CLVS1: variants seen among roughly 807,000 people sequenced by gnomAD.
CLVS1 encodes the protein clavesin-1.
A neutral mutation model predicts 33.1 loss-of-function variants in CLVS1; 10 were observed. The observed-to-expected ratio is 0.30, with a 90% CI of 0.19 to 0.51. The LOEUF (loss-of-function observed/expected upper bound fraction) is 0.51. CLVS1 is among the 20% of genes least tolerant of loss of function. The pLI is 0.97. For synonymous variants in CLVS1, 163 were observed against 166.1 expected (o/e 0.98, Z 0.14); for missense variants, 343 against 433.4 (o/e 0.79, Z 1.85).
intron 3 of CLVS1, among the ~76,000 whole-genome samples, chr8:61,388,804 G>GA (rs1247792223): frequency 6.6e-6 from 1 of 151,964 alleles, no homozygotes; most frequent in East Asian, 1.9e-4. Context: ...CTAGCTATTT[G>GA]AAAATATATA....
rs570015997 is a variant in CLVS1 at position 61,250,301 on chromosome 8, T to C, written c.-151-49376T>C. Among the ~76,000 whole-genome samples the C allele has an allele frequency of 1.9e-4, 29 of 152,332 alleles. 1 individual carries two copies. Among genetic ancestry groups the C allele is most frequent in the Non-Finnish European group, 2.4e-4 (16 of 68,018 alleles). ...TATCTCTATTTTGGTATCAGTACCA[T>C]GCTGTTTTGGTTACTGTTGCCTTGT... On this transcript the variant is annotated intron_variant, in intron 2 of 2. Coordinates refer to the CLVS1 transcript ENST00000522621.
intron 2 of CLVS1, among the ~76,000 whole-genome samples, chr8:61,197,615 G>A (rs1807643328): frequency 6.6e-6 from 1 of 152,100 alleles, no homozygotes; most frequent in Non-Finnish European, 1.5e-5. Context: ...CACCTCCTGG[G>A]TTCAAGCGAT....
chr8:61,060,809 G>T (rs1380420408), intron 1 of CLVS1, among the ~76,000 whole-genome samples: 3 of 152,138 alleles, frequency 2.0e-5, no homozygotes, highest in Admixed American at 2.0e-4. Context: ...ACGTGCCCGA[G>T]GCCACAGAGC....
At chr8:61,259,092 T>A (rs1251554167) in intron 2 of CLVS1, among the ~76,000 whole-genome samples, 2 of 152,230 alleles carry the variant, frequency 1.3e-5, no homozygotes, top group Non-Finnish European at 2.9e-5. Context: ...GTGTTAAAAA[T>A]CACCTACAAA....
At chr8:61,411,780 A>G (rs73682298) in intron 3 of CLVS1, among the ~76,000 whole-genome samples, 3,065 of 152,230 alleles carry the variant, frequency 0.02, 102 homozygotes, top group African/African-American at 0.069. Flanking sequence ...TCCCTAGTTC[A>G]GGGCTGTCAT....
intron 3 of CLVS1, among the ~76,000 whole-genome samples, chr8:61,416,288 AGC>A (rs2129604338): frequency 7.1e-6 from 1 of 141,528 alleles, no homozygotes; most frequent in African/African-American, 3.0e-5. Flanking sequence ...CAAGATAGCT[AGC>A]TAGCTAGCTA....
At chr8:61,383,990 A>C (rs942951462) in intron 3 of CLVS1, among the ~76,000 whole-genome samples, 2 of 152,236 alleles carry the variant, frequency 1.3e-5, no homozygotes, top group African/African-American at 4.8e-5. Context: ...ACATGTACCA[A>C]GCTAATAAAA....
chr8:61,071,627 C>T (rs1343876131), intron 1 of CLVS1, among the ~76,000 whole-genome samples: 2 of 152,196 alleles, frequency 1.3e-5, no homozygotes, highest in African/African-American at 4.8e-5. Context: ...TGCAGATGAG[C>T]ATATGGATAC....
At chr8:61,320,734 G>T (rs1180689710) in intron 2 of CLVS1, among the ~76,000 whole-genome samples, 1 of 152,134 alleles carries the variant, frequency 6.6e-6, no homozygotes, top group African/African-American at 2.4e-5. Flanking sequence ...TTTTATAAGG[G>T]CACTGATTGC....
At chr8:61,329,975 C>G (rs1811533161) in intron 2 of CLVS1, among the ~76,000 whole-genome samples, 1 of 152,128 alleles carries the variant, frequency 6.6e-6, no homozygotes, top group African/African-American at 2.4e-5. Flanking sequence ...TAGCTTTCCC[C>G]TAGCCTCAGC....
upstream of CLVS1, among the ~76,000 whole-genome samples, chr8:61,285,732 G>A (rs532764442): frequency 6.6e-6 from 1 of 152,188 alleles, no homozygotes; most frequent in Non-Finnish European, 1.5e-5. Flanking sequence ...CTATCCACGT[G>A]AGGGTGCACT....
At chr8:61,461,168 A>T (rs1817352100) in intron 5 of CLVS1, among the ~76,000 whole-genome samples, 1 of 152,224 alleles carries the variant, frequency 6.6e-6, no homozygotes, top group African/African-American at 2.4e-5. Context: ...ATGATGTAAA[A>T]TTGACATGAA....
intron 2 of CLVS1, among the ~76,000 whole-genome samples, chr8:61,191,220 C>T (rs929492915): frequency 6.6e-6 from 1 of 152,182 alleles, no homozygotes; most frequent in African/African-American, 2.4e-5. Context: ...GCTGGTTCAA[C>T]ATATGCAAAT....
At chr8:61,476,567 TG>T (rs1275642973) in intron 5 of CLVS1, among the ~76,000 whole-genome samples, 3 of 152,224 alleles carry the variant, frequency 2.0e-5, no homozygotes, top group African/African-American at 7.2e-5. Flanking sequence ...CAATTGTGAA[TG>T]GGAGTTCACT....
At chr8:61,322,205 G>C (rs1369035451) in intron 2 of CLVS1, among the ~76,000 whole-genome samples, 1 of 152,140 alleles carries the variant, frequency 6.6e-6, no homozygotes, top group Non-Finnish European at 1.5e-5. Flanking sequence ...TAAATATCCA[G>C]GGATTTATTT....
chr8:61,446,559 A>G (rs1314910616), intron 3 of CLVS1, among the ~76,000 whole-genome samples: 1 of 152,126 alleles, frequency 6.6e-6, no homozygotes, highest in Admixed American at 6.6e-5. Context: ...TGAGCATGGT[A>G]GTTCAAATCT....
At chr8:61,088,014 T>G (rs185613515) in intron 1 of CLVS1, among the ~76,000 whole-genome samples, 42 of 152,358 alleles carry the variant, frequency 2.8e-4, no homozygotes, top group African/African-American at 1.0e-3. Flanking sequence ...AATTCTATTA[T>G]ACATATTAGG....
chr8:61,115,384 T>G (rs1805701384), intron 1 of CLVS1, among the ~76,000 whole-genome samples: 1 of 151,740 alleles, frequency 6.6e-6, no homozygotes, highest in African/African-American at 2.4e-5. Flanking sequence ...TATTTATTTA[T>G]TTTTATTATA....
chr8:61,123,289 TA>T (rs1805911466), intron 1 of CLVS1, among the ~76,000 whole-genome samples: 1 of 103,390 alleles, frequency 9.7e-6, no homozygotes, highest in Non-Finnish European at 2.2e-5. Context: ...ATAATAATAA[TA>T]ATAATAAAAG....
Sources: gnomAD v4.1 joint callset for allele counts (sites outside exome capture counted in the v4.1 genomes callset) on GRCh38, gnomAD v4.1.1 for gene constraint, MANE v1.5 for transcripts, NCBI Gene and HGNC (gene_info 2026-07-23, HGNC 2026-07-21) for gene names.